Variants in DYM observed in about 807,000 individuals in gnomAD.
DYM encodes dymeclin, also known as dyggve-Melchior-Clausen syndrome protein.
In DYM, 78 loss-of-function variants were observed where a neutral mutation model predicts 93.1. The ratio of observed to expected loss-of-function variants is 0.84; its 90% CI spans 0.70 to 1.01. The LOEUF (loss-of-function observed/expected upper bound fraction) is 1.01. Ranked by LOEUF, DYM falls within the 50% of genes least tolerant of loss-of-function variation. The probability of loss-of-function intolerance (pLI) is 0.00; values close to 1 mark genes in which losing one functional copy is unlikely to be tolerated. For missense variants in DYM, 789 were observed against 845.0 expected (o/e 0.93, Z 0.82); for synonymous variants, 321 against 319.7 (o/e 1.00, Z -0.04).
chr18:49,214,327 G>A (rs766788778), intron 13 of DYM, among the ~76,000 whole-genome samples: 2 of 152,148 alleles, frequency 1.3e-5, no homozygotes, highest in Non-Finnish European at 2.9e-5. Flanking sequence ...ATAGGAAGAC[G>A]AACCCTATTA....
intron 17 of DYM, among the ~76,000 whole-genome samples, chr18:49,091,131 G>A (rs1599677890): frequency 1.3e-5 from 2 of 152,222 alleles, no homozygotes; most frequent in South Asian, 2.1e-4. Flanking sequence ...CCCATTGTTC[G>A]TTGGTATCCC....
chr18:49,215,284 G>C (rs2092980597), intron 13 of DYM, among the ~76,000 whole-genome samples: 1 of 152,128 alleles, frequency 6.6e-6, no homozygotes, highest in Non-Finnish European at 1.5e-5. Context: ...ATGGTTTTCA[G>C]ATTCCTCGTC....
chr18:49,066,212 T>G (rs1024649061), intron 17 of DYM, among the ~76,000 whole-genome samples: 1 of 151,984 alleles, frequency 6.6e-6, no homozygotes, highest in African/African-American at 2.4e-5. Flanking sequence ...TCCAGCCTGA[T>G]CAGGGAACTC....
chr18:49,311,177 A>C (rs2061565556), intron 8 of DYM, among the ~76,000 whole-genome samples: 1 of 152,204 alleles, frequency 6.6e-6, no homozygotes, highest in Non-Finnish European at 1.5e-5. Context: ...GCAGAGAAGC[A>C]CAAGGCACAG....
At chr18:49,407,825 G>C (rs1302804501) in intron 2 of DYM, among the ~76,000 whole-genome samples, 7 of 152,184 alleles carry the variant, frequency 4.6e-5, no homozygotes, top group African/African-American at 1.7e-4. Context: ...TTTTGATACT[G>C]TACTGTAGTT....
intron 13 of DYM, among the ~76,000 whole-genome samples, chr18:49,216,194 G>T (rs1388108900): frequency 6.6e-6 from 1 of 152,186 alleles, no homozygotes; most frequent in Non-Finnish European, 1.5e-5. Context: ...CAGCGAGGCT[G>T]GGGGAGGGGC....
chr18:49,234,788 T>C (rs934175729), intron 13 of DYM, among the ~76,000 whole-genome samples: 4 of 152,318 alleles, frequency 2.6e-5, no homozygotes, highest in Middle Eastern at 3.4e-3. Context: ...AATCTAATCA[T>C]ATGATCCCTT....
chr18:49,131,804 T>C (rs1417370759), intron 15 of DYM, among the ~76,000 whole-genome samples: 1 of 152,144 alleles, frequency 6.6e-6, no homozygotes. Context: ...AGAGCTAACT[T>C]TAATTATAGT....
intron 11 of DYM, among the ~76,000 whole-genome samples, chr18:49,270,428 G>A (rs924369102): frequency 2.6e-5 from 4 of 152,196 alleles, no homozygotes; most frequent in African/African-American, 9.7e-5. Flanking sequence ...GTACCAGGGG[G>A]TGGATGTGAG....
At chr18:49,390,440 A>G (rs541214201) in intron 3 of DYM, among the ~76,000 whole-genome samples, 1 of 152,144 alleles carries the variant, frequency 6.6e-6, no homozygotes, top group East Asian at 1.9e-4. Flanking sequence ...TTTAAAAAAA[A>G]AAATAAATCA....
chr18:49,299,360 G>C (rs1439294875), intron 8 of DYM, among the ~76,000 whole-genome samples: 3 of 152,094 alleles, frequency 2.0e-5, no homozygotes, highest in African/African-American at 7.2e-5. Flanking sequence ...CAAAATCGTG[G>C]CAGTGGCATG....
At chr18:49,105,344 T>G (rs1449090002) in intron 16 of DYM, among the ~76,000 whole-genome samples, 1 of 152,170 alleles carries the variant, frequency 6.6e-6, no homozygotes, top group East Asian at 1.9e-4. Flanking sequence ...TTTGTTGATC[T>G]TTTCAAAAAA....
intron 15 of DYM, among the ~76,000 whole-genome samples, chr18:49,132,584 A>G (rs1026810180): frequency 6.6e-6 from 1 of 152,182 alleles, no homozygotes; most frequent in African/African-American, 2.4e-5. Context: ...GAGAAAAAGA[A>G]CGTTTCTCAT....
At chr18:49,129,188 T>A (rs907719770) in intron 15 of DYM, among the ~76,000 whole-genome samples, 2 of 151,740 alleles carry the variant, frequency 1.3e-5, no homozygotes, top group Non-Finnish European at 2.9e-5. Context: ...TGGGTTCTAG[T>A]CCCAGTTTTG....
chr18:49,279,904 T>C (rs2094929202), intron 10 of DYM, among the ~76,000 whole-genome samples: 1 of 152,242 alleles, frequency 6.6e-6, no homozygotes, highest in Non-Finnish European at 1.5e-5. Context: ...ATACATTCAA[T>C]GAATTCTAGT....
intron 16 of DYM, among the ~76,000 whole-genome samples, chr18:49,098,276 T>A (rs1227542387): frequency 6.6e-6 from 1 of 152,138 alleles, no homozygotes; most frequent in Non-Finnish European, 1.5e-5. Flanking sequence ...ATATAAAAAA[T>A]TATTGTGTTT....
intron 1 of DYM, among the ~76,000 whole-genome samples, chr18:49,453,644 T>C (rs1356152499): frequency 6.6e-6 from 1 of 152,234 alleles, no homozygotes; most frequent in Admixed American, 6.5e-5. Flanking sequence ...CTGGACACAA[T>C]AGCACCTTCT....
chr18:49,107,187 G>A (rs2080913037), intron 16 of DYM, among the ~76,000 whole-genome samples: 1 of 152,114 alleles, frequency 6.6e-6, no homozygotes, highest in African/African-American at 2.4e-5. Flanking sequence ...CTTTCTTCCA[G>A]TTGATCGAAG....
intron 2 of DYM, among the ~76,000 whole-genome samples, chr18:49,420,089 A>T (rs2073473005): frequency 6.6e-6 from 1 of 152,126 alleles, no homozygotes; most frequent in South Asian, 2.1e-4. Flanking sequence ...TCTCAGAAGC[A>T]AGAATAAGTA....
Sources: allele counts gnomAD v4.1 joint callset (sites outside exome capture counted in the v4.1 genomes callset), GRCh38; gene constraint gnomAD v4.1.1; transcripts MANE v1.5; gene names NCBI Gene and HGNC (gene_info 2026-07-23, HGNC 2026-07-21).